Variants in TRPM3 observed in about 807,000 individuals in gnomAD.
TRPM3 encodes transient receptor potential cation channel subfamily M member 3.
A neutral mutation model predicts 181.2 loss-of-function variants in TRPM3; 77 were observed. The observed-to-expected ratio is 0.42, with a 90% confidence interval of 0.35 to 0.51. The LOEUF is 0.51. Ranked by LOEUF, TRPM3 falls within the 20% of genes least tolerant of loss-of-function variation. TRPM3 has a pLI of 0.01. For missense variants in TRPM3, 1,759 were observed against 2,196.7 expected (o/e 0.80, Z 3.98); for synonymous variants, 745 against 796.4 (o/e 0.94, Z 1.09).
chr9:70,856,824 G>T (rs1468504904), intron 3 of TRPM3, among the ~76,000 whole-genome samples: 1 of 152,188 alleles, frequency 6.6e-6, no homozygotes, highest in Non-Finnish European at 1.5e-5. Context: ...GGTGACTTGA[G>T]AGGTTTAAAT....
At chr9:70,611,358 T>C (rs1447934987) in intron 18 of TRPM3, among the ~76,000 whole-genome samples, 1 of 152,172 alleles carries the variant, frequency 6.6e-6, no homozygotes, top group Non-Finnish European at 1.5e-5. Flanking sequence ...GGTGATTGAT[T>C]GGATCATGGG....
intron 1 of TRPM3, among the ~76,000 whole-genome samples, chr9:71,027,034 C>G (rs1001306128): frequency 1.3e-5 from 2 of 152,114 alleles, no homozygotes; most frequent in South Asian, 4.1e-4. Context: ...TGCCACCACC[C>G]TATGAAGTAC....
chr9:70,576,790 G>C (rs942800951), intron 22 of TRPM3, among the ~76,000 whole-genome samples: 9 of 152,146 alleles, frequency 5.9e-5, no homozygotes, highest in African/African-American at 2.2e-4. Flanking sequence ...TGGGATTACA[G>C]GCGTGAGCCA....
intron 1 of TRPM3, among the ~76,000 whole-genome samples, chr9:70,899,276 A>T (rs2096345963): frequency 6.6e-6 from 1 of 152,200 alleles, no homozygotes; most frequent in African/African-American, 2.4e-5. Flanking sequence ...ATGACTTGTT[A>T]TTCCTGGAAG....
chr9:71,339,589 A>G (rs2090812275), intron 1 of TRPM3, among the ~76,000 whole-genome samples: 1 of 152,150 alleles, frequency 6.6e-6, no homozygotes, highest in African/African-American at 2.4e-5. Flanking sequence ...TTTTAAATAA[A>G]TCATGTTGGC....
intron 1 of TRPM3, among the ~76,000 whole-genome samples, chr9:70,995,238 A>T (rs1208955705): frequency 6.6e-6 from 1 of 152,180 alleles, no homozygotes; most frequent in Admixed American, 6.5e-5. Flanking sequence ...AGGTTAGAAG[A>T]CCTAATTAAC....
intron 9 of TRPM3, among the ~76,000 whole-genome samples, chr9:70,649,699 C>A (rs548187116): frequency 6.6e-6 from 1 of 152,198 alleles, no homozygotes; most frequent in East Asian, 1.9e-4. Context: ...CTATAATAAG[C>A]ATTATTATAA....
At chr9:70,953,439 C>G (rs1456028429) in intron 1 of TRPM3, among the ~76,000 whole-genome samples, 7 of 152,102 alleles carry the variant, frequency 4.6e-5, no homozygotes, top group Non-Finnish European at 8.8e-5. Context: ...AAAGTAAGGA[C>G]ATGACATCAT....
intron 1 of TRPM3, among the ~76,000 whole-genome samples, chr9:71,423,068 C>A (rs547460895): frequency 1.0e-3 from 152 of 152,160 alleles, no homozygotes; most frequent in African/African-American, 3.5e-3. Flanking sequence ...AGTTTTGCTT[C>A]ATTTCCAGCA....
intron 1 of TRPM3, among the ~76,000 whole-genome samples, chr9:71,261,978 G>A (rs2083087317): frequency 6.6e-6 from 1 of 152,194 alleles, no homozygotes; most frequent in Non-Finnish European, 1.5e-5. Context: ...GGAGCCACAG[G>A]GACCAGGGAC....
chr9:71,172,263 T>C (rs1163690237), intron 1 of TRPM3, among the ~76,000 whole-genome samples: 1 of 152,070 alleles, frequency 6.6e-6, no homozygotes, highest in Non-Finnish European at 1.5e-5. Flanking sequence ...CTGTAGAATT[T>C]AGCCAGATAG....
intron 1 of TRPM3, among the ~76,000 whole-genome samples, chr9:71,320,758 G>A (rs571600060): frequency 4.7e-4 from 72 of 152,142 alleles, no homozygotes; most frequent in African/African-American, 1.7e-3. Flanking sequence ...CATAGCTCTA[G>A]AGGTACCTAT....
chr9:71,201,254 G>A (rs1206317185), intron 1 of TRPM3, among the ~76,000 whole-genome samples: 1 of 152,162 alleles, frequency 6.6e-6, no homozygotes, highest in Non-Finnish European at 1.5e-5. Context: ...CTGTTAGTCT[G>A]ATGGGCTTCC....
At chr9:71,202,858 C>T (rs1002006028) in intron 1 of TRPM3, among the ~76,000 whole-genome samples, 1 of 152,196 alleles carries the variant, frequency 6.6e-6, no homozygotes, top group Admixed American at 6.5e-5. Flanking sequence ...AATGAGAAAA[C>T]TTACATACAT....
At position 71,036,629 on chromosome 9, in the gene TRPM3, T is replaced by A. The variant is rs903497088; in HGVS notation, c.177+84549A>T. ...GGGAACCCATTGTATTTGTTTTGCA[T>A]GAGGAGAACTCTTTGAAACAAAAGC... On this transcript the variant is annotated intron_variant, in intron 1 of 25. Transcript: ENST00000677713. Among the ~76,000 whole-genome samples, 93 of 152,244 alleles carry A rather than the reference T, an allele frequency of 6.1e-4. 1 individual carries two copies. The highest frequency in any genetic ancestry group is 2.9e-4 in the Non-Finnish European group (20 of 68,036).
At chr9:70,840,633 A>C (rs893729127) in intron 5 of TRPM3, among the ~76,000 whole-genome samples, 1 of 152,158 alleles carries the variant, frequency 6.6e-6, no homozygotes, top group Admixed American at 6.6e-5. Context: ...AAAAAAAATG[A>C]GGAGTGAAGG....
At chr9:71,050,719 G>T (rs1375608865) in intron 1 of TRPM3, among the ~76,000 whole-genome samples, 1 of 152,110 alleles carries the variant, frequency 6.6e-6, no homozygotes, top group Non-Finnish European at 1.5e-5. Flanking sequence ...ATTTTTCAGA[G>T]AATTTTTACT....
intron 1 of TRPM3, among the ~76,000 whole-genome samples, chr9:71,297,140 C>A (rs1311966241): frequency 6.6e-6 from 1 of 151,920 alleles, no homozygotes; most frequent in African/African-American, 2.4e-5. Context: ...TACAGGTGTG[C>A]ACCACCACAC....
At chr9:70,965,385 G>C (rs1349007161) in intron 1 of TRPM3, among the ~76,000 whole-genome samples, 1 of 151,986 alleles carries the variant, frequency 6.6e-6, no homozygotes, top group Non-Finnish European at 1.5e-5. Flanking sequence ...GAACAAAAAT[G>C]ATTTTGAAGA....
Sources: allele counts gnomAD v4.1 joint callset (sites outside exome capture counted in the v4.1 genomes callset), GRCh38; gene constraint gnomAD v4.1.1; transcripts MANE v1.5; gene names NCBI Gene and HGNC (gene_info 2026-07-23, HGNC 2026-07-21).